NRG3: variants seen among roughly 807,000 people sequenced by gnomAD.
NRG3 encodes neuregulin 3, also known as pro-neuregulin-3, membrane-bound isoform.
In NRG3, 31 loss-of-function variants were observed where a neutral mutation model predicts 66.9. The observed-to-expected ratio is 0.46, with a 90% CI of 0.35 to 0.63. The LOEUF (loss-of-function observed/expected upper bound fraction) is 0.63, where lower values mean the gene tolerates loss of function less well. NRG3 is among the 20% of genes least tolerant of loss of function. The pLI is 0.00. For missense variants in NRG3, 910 were observed against 878.9 expected (o/e 1.04, Z -0.45); for synonymous variants, 393 against 359.4 (o/e 1.09, Z -1.06).
chr10:82,379,744 A>G (rs954794662), intron 2 of NRG3, among the ~76,000 whole-genome samples: 1 of 152,176 alleles, frequency 6.6e-6, no homozygotes. Context: ...TTGAAGCTCA[A>G]TGTAAACTGG....
At chr10:82,850,268 C>G (rs759485966) in intron 3 of NRG3, among the ~76,000 whole-genome samples, 2 of 152,140 alleles carry the variant, frequency 1.3e-5, no homozygotes, top group Non-Finnish European at 2.9e-5. Flanking sequence ...TGTAGCCATG[C>G]AGTCATCCAG....
chr10:82,204,150 T>G (rs947623179), intron 1 of NRG3, among the ~76,000 whole-genome samples: 2 of 152,192 alleles, frequency 1.3e-5, no homozygotes, highest in Non-Finnish European at 2.9e-5. Context: ...CCTCACTGTA[T>G]AACCCACATA....
At chr10:82,138,302 C>G (rs1464515071) in intron 1 of NRG3, among the ~76,000 whole-genome samples, 1 of 151,968 alleles carries the variant, frequency 6.6e-6, no homozygotes, top group Non-Finnish European at 1.5e-5. Context: ...ACAAAATGCC[C>G]AAAGGTAGGA....
chr10:82,653,426 G>A (rs2051585922), intron 2 of NRG3, among the ~76,000 whole-genome samples: 1 of 152,170 alleles, frequency 6.6e-6, no homozygotes, highest in Non-Finnish European at 1.5e-5. Flanking sequence ...AAATGTGACT[G>A]AATGCAAACT....
intron 1 of NRG3, among the ~76,000 whole-genome samples, chr10:81,928,654 C>A (rs1414139070): frequency 6.6e-6 from 1 of 151,880 alleles, no homozygotes; most frequent in Non-Finnish European, 1.5e-5. Context: ...CATGCAGTAG[C>A]AAAAATGTAT....
intron 2 of NRG3, among the ~76,000 whole-genome samples, chr10:82,548,046 T>G (rs1393096292): frequency 2.0e-5 from 3 of 150,666 alleles, no homozygotes; most frequent in Non-Finnish European, 4.4e-5. Flanking sequence ...CACGTTTTTT[T>G]TTTTTTTTTT....
intron 2 of NRG3, among the ~76,000 whole-genome samples, chr10:82,439,933 G>C (rs1232512707): frequency 6.6e-6 from 1 of 151,932 alleles, no homozygotes; most frequent in Admixed American, 6.6e-5. Flanking sequence ...AATATGTTTT[G>C]TTGTTGCTTT....
intron 2 of NRG3, among the ~76,000 whole-genome samples, chr10:82,713,402 A>C (rs1423514589): frequency 6.6e-6 from 1 of 152,202 alleles, no homozygotes; most frequent in Non-Finnish European, 1.5e-5. Context: ...AGAAGTGATC[A>C]GATTTCAGTA....
chr10:82,306,284 T>C (rs1216302224), intron 1 of NRG3, among the ~76,000 whole-genome samples: 3 of 152,166 alleles, frequency 2.0e-5, no homozygotes, highest in African/African-American at 7.2e-5. Flanking sequence ...TTAGGTAATA[T>C]TGGTGTATAA....
intron 1 of NRG3, among the ~76,000 whole-genome samples, chr10:82,239,531 G>A (rs2076915622): frequency 6.6e-6 from 1 of 152,152 alleles, no homozygotes; most frequent in Admixed American, 6.5e-5. Context: ...TGGTGTAAAT[G>A]ATATTTATTG....
chr10:82,345,976 C>G (rs61864210), intron 1 of NRG3, among the ~76,000 whole-genome samples: 51 of 152,146 alleles, frequency 3.4e-4, no homozygotes, highest in African/African-American at 7.5e-4. Context: ...TGAGACAATG[C>G]GGTTTTCTAG....
intron 2 of NRG3, among the ~76,000 whole-genome samples, chr10:82,516,501 C>G (rs1845674757): frequency 6.6e-6 from 1 of 152,110 alleles, no homozygotes; most frequent in Non-Finnish European, 1.5e-5. Context: ...CATCCACACA[C>G]ACACAAATAA....
chr10:82,122,511 A>T (rs947559226), intron 1 of NRG3, among the ~76,000 whole-genome samples: 2 of 152,078 alleles, frequency 1.3e-5, no homozygotes, highest in Non-Finnish European at 2.9e-5. Flanking sequence ...CCTTTATGTT[A>T]TCATTCTTTC....
intron 1 of NRG3, among the ~76,000 whole-genome samples, chr10:82,017,103 G>A (rs1355906317): frequency 6.6e-6 from 1 of 151,992 alleles, no homozygotes; most frequent in Non-Finnish European, 1.5e-5. Context: ...CCCCACAACA[G>A]GCCCCGGTGT....
intron 1 of NRG3, among the ~76,000 whole-genome samples, chr10:81,984,283 A>G (rs895960390): frequency 7.9e-5 from 12 of 152,338 alleles, no homozygotes; most frequent in African/African-American, 2.9e-4. Context: ...ATAGAATCAC[A>G]TTAATAATCA....
rs74533478 is a variant in NRG3, at chr10:81,930,121, C to G, written c.823+53958C>G. The stretch of plus-strand genomic sequence containing the variant: ...GAGTTTTATCTGCTGTAGACAGGAC[C>G]TCTCAGTGATGCATGCAGTCACTGC... On this transcript the variant is annotated intron_variant, in intron 1 of 8. Coordinates refer to ENST00000372141, the MANE Select transcript of NRG3 (RefSeq NM_001010848.4). Among the ~76,000 whole-genome samples, 836 of 152,262 alleles carry G rather than the reference C, an allele frequency of 5.5e-3. 8 individuals are homozygous for G. Among genetic ancestry groups the G allele is most frequent in the African/African-American group, 0.019 (798 of 41,538 alleles).
chr10:81,896,099 T>G (rs1396507261), intron 1 of NRG3, among the ~76,000 whole-genome samples: 1 of 152,190 alleles, frequency 6.6e-6, no homozygotes, highest in Non-Finnish European at 1.5e-5. Context: ...AGGAGAATGA[T>G]GCTGTGAAAA....
chr10:82,305,825 T>A (rs915111614), intron 1 of NRG3, among the ~76,000 whole-genome samples: 3 of 152,306 alleles, frequency 2.0e-5, no homozygotes, highest in African/African-American at 7.2e-5. Flanking sequence ...CCTCCTTAAT[T>A]TTTTTGTACA....
chr10:82,036,766 C>G (rs1422042470), intron 1 of NRG3, among the ~76,000 whole-genome samples: 5 of 152,078 alleles, frequency 3.3e-5, no homozygotes, highest in Non-Finnish European at 5.9e-5. Flanking sequence ...TAGGTCTTTA[C>G]ATCTATAACT....
Sources: allele counts gnomAD v4.1 joint callset (sites outside exome capture counted in the v4.1 genomes callset), GRCh38; gene constraint gnomAD v4.1.1; transcripts MANE v1.5; gene names NCBI Gene and HGNC (gene_info 2026-07-23, HGNC 2026-07-21).